OSBPL3: variants seen among roughly 807,000 people sequenced by gnomAD.
OSBPL3 encodes the protein oxysterol binding protein like 3, also known as oxysterol-binding protein-related protein 3.
OSBPL3 carries 65 observed loss-of-function variants against 120.1 expected under a neutral mutation model. The ratio of observed to expected loss-of-function variants is 0.54; its 90% CI spans 0.44 to 0.67. The LOEUF is 0.67. Ranked by LOEUF, OSBPL3 falls within the 30% of genes least tolerant of loss-of-function variation. OSBPL3 has a pLI of 0.00. For missense variants in OSBPL3, 1,004 were observed against 1,082.1 expected (o/e 0.93, Z 1.01); for synonymous variants, 416 against 402.6 (o/e 1.03, Z -0.40).
At chr7:24,837,344 C>T (rs917454390) in intron 14 of OSBPL3, among the ~76,000 whole-genome samples, 2 of 152,138 alleles carry the variant, frequency 1.3e-5, no homozygotes, top group African/African-American at 4.8e-5. Flanking sequence ...GCTCAGACTA[C>T]AGACATGCTA....
At chr7:24,908,374 T>C (rs1234405424) in intron 1 of OSBPL3, among the ~76,000 whole-genome samples, 3 of 152,214 alleles carry the variant, frequency 2.0e-5, no homozygotes, top group Non-Finnish European at 2.9e-5. Context: ...ATCTCCTTTT[T>C]ATCAGCACAT....
intron 1 of OSBPL3, among the ~76,000 whole-genome samples, chr7:24,925,943 A>G (rs1186097196): frequency 6.6e-6 from 1 of 152,240 alleles, no homozygotes; most frequent in Non-Finnish European, 1.5e-5. Flanking sequence ...TTAGAAATAT[A>G]AAGTTTATCT....
At chr7:24,926,060 T>C (rs1811005475) in intron 1 of OSBPL3, among the ~76,000 whole-genome samples, 1 of 152,228 alleles carries the variant, frequency 6.6e-6, no homozygotes, top group Non-Finnish European at 1.5e-5. Context: ...GCAGTTCCCA[T>C]AACAGGGCTA....
rs1401099450 is a variant in OSBPL3, at chr7:24,827,605, T to C, written c.1884+3163A>G. Among the ~76,000 whole-genome samples the C allele has an allele frequency of 2.0e-5, 3 of 152,262 alleles. No individual in the cohort carries two copies. Among genetic ancestry groups the C allele is most frequent in the African/African-American group, 7.2e-5 (3 of 41,476 alleles). ...TGCTTTCTGATCCCCATAGCAGGTC[T>C]ATTTTTCACAGTAAATGCATTTAGT... On this transcript the variant is annotated intron_variant, in intron 16 of 22. Transcript: ENST00000313367. The surrounding 1 kb of genome is among the most constrained non-coding windows in gnomAD (Gnocchi z 5.1).
At chr7:24,895,797 G>A (rs1806052563) in intron 1 of OSBPL3, among the ~76,000 whole-genome samples, 1 of 152,148 alleles carries the variant, frequency 6.6e-6, no homozygotes, top group African/African-American at 2.4e-5. Context: ...TAATTTCCCT[G>A]CTCACAGACT....
intron 1 of OSBPL3, among the ~76,000 whole-genome samples, chr7:24,905,236 A>C (rs1157037589): frequency 6.6e-6 from 1 of 152,008 alleles, no homozygotes; most frequent in East Asian, 1.9e-4. Flanking sequence ...TTCTTCAAGG[A>C]GACGTACTAA....
rs456 is a variant in OSBPL3, at chr7:24,922,800, G to C, written c.-149-30179C>G. Among the ~76,000 whole-genome samples, 93,821 of 151,378 alleles carry C rather than the reference G, an allele frequency of 0.62. 29,773 individuals carry two copies. The highest frequency in any genetic ancestry group is 0.91 in the East Asian group (4,650 of 5,120). ...AGGATCTCTGTCCAACCCTGTCCCT[G>C]CTGCCCTCACCCTCTTGGTGAAAGT... On this transcript the variant is annotated intron_variant, in intron 1 of 22. Coordinates refer to ENST00000313367, the MANE Select transcript of OSBPL3 (RefSeq NM_015550.4). This position sits in a 1 kb window ranked among gnomAD's most constrained non-coding sequence, Gnocchi z 4.3.
At chr7:24,874,341 A>G (rs1802565939) in intron 2 of OSBPL3, among the ~76,000 whole-genome samples, 1 of 152,112 alleles carries the variant, frequency 6.6e-6, no homozygotes, top group African/African-American at 2.4e-5. Flanking sequence ...TTGTTTTAAG[A>G]CTCCCAGGCA....
At chr7:24,980,349 C>G (rs953409856), upstream of OSBPL3, among the ~76,000 whole-genome samples, 1 of 151,704 alleles carries the variant, frequency 6.6e-6, no homozygotes, top group Non-Finnish European at 1.5e-5. Flanking sequence ...GCGATGTCCT[C>G]GGAAGAAGCC....
chr7:24,971,694 C>G (rs1180656173), intron 1 of OSBPL3, among the ~76,000 whole-genome samples: 1 of 152,196 alleles, frequency 6.6e-6, no homozygotes, highest in Non-Finnish European at 1.5e-5. Flanking sequence ...GCTCGCTAGC[C>G]TCTGTTTTAT....
chr7:24,830,666 G>T lies in OSBPL3; in HGVS notation c.1884+102C>A. On this transcript the variant is annotated intron_variant, in intron 16 of 22. Coordinates refer to ENST00000313367, the MANE Select transcript of OSBPL3 (RefSeq NM_015550.4). The surrounding 1 kb of genome is among the most constrained non-coding windows in gnomAD (Gnocchi z 4.4). ...GAAAAGCACTGTAATTATCTCGGCT[G>T]CTTTGAAGCCAGTGAAAGGTGGAAG... is the stretch of plus-strand genomic sequence containing the variant. 2 of 1,146,290 alleles carry T rather than the reference G, an allele frequency of 1.7e-6. No individual in the cohort carries two copies. Among genetic ancestry groups the T allele is most frequent in the Non-Finnish European group, 2.5e-6 (2 of 803,956 alleles). 71.0% of individuals were successfully genotyped at this position (1,146,290 alleles called of 1,614,324 possible).
rs756399366 is a variant in OSBPL3, at chr7:24,849,199, G to C, written c.1159-23C>G. On this transcript the variant is annotated intron_variant, in intron 11 of 22. Transcript: ENST00000313367. This position sits in a 1 kb window ranked among gnomAD's most constrained non-coding sequence, Gnocchi z 5.4. Reference sequence around the variant, plus strand: ...GGCCTGGAACATGTTAAAATAGTGGGGCTCTGTTAATAAATGGATGTTTCA... The same window carrying C: ...GGCCTGGAACATGTTAAAATAGTGGCGCTCTGTTAATAAATGGATGTTTCA... The C allele has an allele frequency of 6.4e-7, 1 of 1,565,576 alleles. No individual in the cohort carries two copies. Among genetic ancestry groups the C allele is most frequent in the South Asian group, 1.1e-5 (1 of 89,646 alleles).
At chr7:24,860,199 T>C (rs1800332913) in intron 10 of OSBPL3, among the ~76,000 whole-genome samples, 1 of 152,226 alleles carries the variant, frequency 6.6e-6, no homozygotes, top group Non-Finnish European at 1.5e-5. Context: ...ACAGAATTTT[T>C]CATCACTACA....
chr7:24,853,213 G>T (rs1321321667), intron 10 of OSBPL3, among the ~76,000 whole-genome samples: 1 of 152,198 alleles, frequency 6.6e-6, no homozygotes, highest in Admixed American at 6.5e-5. Flanking sequence ...AGGGGAAAAT[G>T]TTAACACTAC....
chr7:24,912,213 A>C lies in OSBPL3; in HGVS notation c.-149-19592T>G, dbSNP rs1808922027. ...TATCAAACTTTAAAAATTTGTGGAA[A>C]GATAGATCCTAATTCTTTAGGAGTT... On this transcript the variant is annotated intron_variant, in intron 1 of 22. Coordinates refer to ENST00000313367, the MANE Select transcript of OSBPL3 (RefSeq NM_015550.4). This position sits in a 1 kb window ranked among gnomAD's most constrained non-coding sequence, Gnocchi z 4.5. Among the ~76,000 whole-genome samples the C allele has an allele frequency of 6.6e-6, 1 of 152,254 alleles. No individual in the cohort carries two copies. The highest frequency in any genetic ancestry group is 6.5e-5 in the Admixed American group (1 of 15,290).
At chr7:24,825,949 G>C (rs1242170280) in intron 16 of OSBPL3, among the ~76,000 whole-genome samples, 1 of 152,160 alleles carries the variant, frequency 6.6e-6, no homozygotes, top group Non-Finnish European at 1.5e-5. Context: ...ACAATGATCT[G>C]GACAACTAAA....
At chr7:24,951,136 G>A (rs1020146532) in intron 1 of OSBPL3, among the ~76,000 whole-genome samples, 1 of 152,180 alleles carries the variant, frequency 6.6e-6, no homozygotes, top group African/African-American at 2.4e-5. Context: ...GTAGCATCAA[G>A]AGGATGGAAA....
At position 24,803,338 on chromosome 7, in the gene OSBPL3, C is replaced by A. The variant is rs1429360440; in HGVS notation, c.2567+977G>T. Among the ~76,000 whole-genome samples, 1 of 152,120 alleles carries A rather than the reference C, an allele frequency of 6.6e-6. No individual in the cohort carries two copies. The highest frequency in any genetic ancestry group is 1.5e-5 in the Non-Finnish European group (1 of 68,030). On this transcript the variant is annotated intron_variant, in intron 22 of 22. Coordinates refer to ENST00000313367, the MANE Select transcript of OSBPL3 (RefSeq NM_015550.4). The surrounding 1 kb of genome is among the most constrained non-coding windows in gnomAD (Gnocchi z 4.2). ...AAACTAAAATCATATAGGCCCTGGC[C>A]TGGTAGTGAGGAGAGTCAGGCCCCA...
In OSBPL3 at chr7:24,852,063, T is replaced by C. The variant is rs1323883952; in HGVS notation, c.1158+441A>G. Among the ~76,000 whole-genome samples, 2 of 152,154 alleles carry C rather than the reference T, an allele frequency of 1.3e-5. No homozygotes were observed. The highest frequency in any genetic ancestry group is 4.8e-5 in the African/African-American group (2 of 41,430). On this transcript the variant is annotated intron_variant, in intron 11 of 22. Coordinates refer to ENST00000313367, the MANE Select transcript of OSBPL3 (RefSeq NM_015550.4). The surrounding 1 kb of genome is among the most constrained non-coding windows in gnomAD (Gnocchi z 4.1). ...GGTAAACAGGATCAGTGCTTTGCAA[T>C]AGGGAAGATAAGAGCATGAATTGGA...
Sources: allele counts gnomAD v4.1 joint callset (sites outside exome capture counted in the v4.1 genomes callset), GRCh38; gene constraint gnomAD v4.1.1; non-coding constraint Gnocchi (gnomAD v3.1); transcripts MANE v1.5; gene names NCBI Gene and HGNC (gene_info 2026-07-23, HGNC 2026-07-21).